Variants in TENM3 observed in about 807,000 individuals in gnomAD.
TENM3 encodes the protein teneurin-3.
In TENM3, 63 loss-of-function variants were observed where a neutral mutation model predicts 255.1. That is an observed-to-expected ratio of 0.25 (90% CI 0.20 to 0.30). The LOEUF is 0.30. TENM3 is among the 10% of genes least tolerant of loss of function. The pLI, the probability that TENM3 is intolerant of heterozygous loss-of-function variation, is 1.00. For missense variants in TENM3, 2,929 were observed against 3,461.1 expected (o/e 0.85, Z 3.86); for synonymous variants, 1,306 against 1,322.3 (o/e 0.99, Z 0.27).
intron 1 of TENM3, among the ~76,000 whole-genome samples, chr4:182,174,319 C>T (rs1412967539): frequency 1.3e-5 from 2 of 150,696 alleles, no homozygotes; most frequent in Non-Finnish European, 1.5e-5. Flanking sequence ...AGCATTAACT[C>T]GGAACTGATT....
the TENM3 span, among the ~76,000 whole-genome samples, chr4:181,986,438 C>T: frequency 6.6e-6 from 1 of 152,166 alleles, no homozygotes; most frequent in East Asian, 1.9e-4. Context: ...TTACTGCTAA[C>T]ATTTTCAGGA....
intron 1 of TENM3, among the ~76,000 whole-genome samples, chr4:182,293,421 G>A (rs1027661152): frequency 2.0e-5 from 3 of 152,136 alleles, no homozygotes; most frequent in African/African-American, 7.2e-5. Context: ...GAGACCTTAC[G>A]TGGAATTCAC....
At chr4:182,291,649 A>C (rs2150325791) in intron 1 of TENM3, among the ~76,000 whole-genome samples, 1 of 152,222 alleles carries the variant, frequency 6.6e-6, no homozygotes, top group Admixed American at 6.5e-5. Flanking sequence ...TCACACAGCT[A>C]ATTAATTGTC....
chr4:182,075,769 C>A, the TENM3 span, among the ~76,000 whole-genome samples: 4 of 152,194 alleles, frequency 2.6e-5, no homozygotes, highest in Non-Finnish European at 5.9e-5. Context: ...CAAGGCTCTG[C>A]ATAGTGCCTG....
the TENM3 span, among the ~76,000 whole-genome samples, chr4:181,482,551 A>G: frequency 6.6e-6 from 1 of 152,136 alleles, no homozygotes; most frequent in Non-Finnish European, 1.5e-5. Context: ...TAAATCCCTA[A>G]CTGTAAGGTA....
intron 3 of TENM3, among the ~76,000 whole-genome samples, chr4:182,516,358 A>G (rs10022832): frequency 0.012 from 1,779 of 152,294 alleles, 34 homozygotes; most frequent in African/African-American, 0.041. Context: ...AGTTGGTAGT[A>G]TTGTGGTTGT....
At chr4:182,680,823 T>C (rs1756114349) in intron 10 of TENM3, 86 bp downstream of exon 10, 1 of 1,030,666 alleles carries the variant, frequency 9.7e-7, no homozygotes, top group Non-Finnish European at 1.3e-6. Context: ...GGCAGATCTC[T>C]TTTATACGCT....
chr4:181,578,506 G>A, the TENM3 span, among the ~76,000 whole-genome samples: 7 of 152,308 alleles, frequency 4.6e-5, no homozygotes, highest in South Asian at 2.1e-4. Flanking sequence ...TGCCCGCTGC[G>A]GAGAGGCACT....
chr4:181,815,399 G>T, the TENM3 span, among the ~76,000 whole-genome samples: 1 of 143,838 alleles, frequency 7.0e-6, no homozygotes, highest in African/African-American at 2.6e-5. Flanking sequence ...GGAGGCAGAG[G>T]TTGCAGTAAG....
the TENM3 span, among the ~76,000 whole-genome samples, chr4:181,924,366 G>T: frequency 2.0e-5 from 3 of 152,124 alleles, no homozygotes; most frequent in Non-Finnish European, 4.4e-5. Context: ...TGTGTTTTGT[G>T]CCAGTTATCC....
intron 1 of TENM3, among the ~76,000 whole-genome samples, chr4:182,182,311 A>T (rs1231375667): frequency 6.6e-6 from 1 of 152,164 alleles, no homozygotes; most frequent in Non-Finnish European, 1.5e-5. Context: ...TTAAAATGTT[A>T]ATATCTACTG....
intron 3 of TENM3, among the ~76,000 whole-genome samples, chr4:182,526,261 T>A (rs1330953860): frequency 6.6e-6 from 1 of 151,952 alleles, no homozygotes; most frequent in Non-Finnish European, 1.5e-5. Flanking sequence ...ATTACAGGCG[T>A]GAGCCACCGC....
At chr4:182,386,068 T>TA (rs1317044805) in intron 3 of TENM3, among the ~76,000 whole-genome samples, 6 of 152,222 alleles carry the variant, frequency 3.9e-5, no homozygotes, top group Non-Finnish European at 8.8e-5. Context: ...CTGTTTGACT[T>TA]AGAACGTAAG....
At chr4:181,899,617 G>C in the TENM3 span, among the ~76,000 whole-genome samples, 4 of 151,912 alleles carry the variant, frequency 2.6e-5, no homozygotes, top group African/African-American at 9.7e-5. Flanking sequence ...CACCAGGCTG[G>C]AGTGCAGTGG....
chr4:181,652,415 A>C, the TENM3 span, among the ~76,000 whole-genome samples: 3 of 152,192 alleles, frequency 2.0e-5, no homozygotes, highest in African/African-American at 7.2e-5. Flanking sequence ...TCTCCTTCTT[A>C]ATCAAGACAA....
the TENM3 span, among the ~76,000 whole-genome samples, chr4:181,951,881 A>G: frequency 6.6e-6 from 1 of 152,232 alleles, no homozygotes; most frequent in Non-Finnish European, 1.5e-5. Flanking sequence ...CTGTAAACCT[A>G]TGGTAAAAGA....
the TENM3 span, among the ~76,000 whole-genome samples, chr4:181,621,087 A>G: frequency 6.6e-6 from 1 of 152,190 alleles, no homozygotes; most frequent in Non-Finnish European, 1.5e-5. Context: ...AGCAAAGAAG[A>G]AAAAGGGAAC....
intron 3 of TENM3, among the ~76,000 whole-genome samples, chr4:182,489,396 C>A (rs1160023034): frequency 6.6e-6 from 1 of 152,046 alleles, no homozygotes; most frequent in Non-Finnish European, 1.5e-5. Context: ...AATTTCCAAA[C>A]CAGTTTAGTA....
the TENM3 span, among the ~76,000 whole-genome samples, chr4:181,861,734 G>A: frequency 6.6e-6 from 1 of 152,080 alleles, no homozygotes; most frequent in African/African-American, 2.4e-5. Flanking sequence ...TTTAATGGAA[G>A]AATATATTTT....
Sources: allele counts gnomAD v4.1 joint callset (sites outside exome capture counted in the v4.1 genomes callset), GRCh38; gene constraint gnomAD v4.1.1; transcripts MANE v1.5; gene names NCBI Gene and HGNC (gene_info 2026-07-23, HGNC 2026-07-21).